The following USP44 variants were observed in gnomAD, a reference collection of about 807,000 sequenced individuals.
USP44 encodes the protein ubiquitin specific peptidase 44.
In USP44, 61 loss-of-function variants were observed where a neutral mutation model predicts 69.0. The observed-to-expected ratio is 0.88, with a 90% CI of 0.72 to 1.09. The LOEUF is 1.09. USP44 is among the 50% of genes least tolerant of loss of function. USP44 has a pLI of 0.00. For missense variants in USP44, 753 were observed against 849.9 expected, an observed-to-expected ratio of 0.89 and a Z score of 1.42; for synonymous variants, 297 against 295.4, an observed-to-expected ratio of 1.01 and a Z score of -0.06.
rs923646668 is a variant in USP44 at position 95,517,835 on chromosome 12, T to A, written c.*319A>T. On this transcript the variant is annotated 3_prime_UTR_variant, in exon 6 of 6. Coordinates refer to ENST00000258499, the MANE Select transcript of USP44 (RefSeq NM_032147.5). ...AAAATACCTGAAAAAGATACATGTA[T>A]ATAAAATGATGCCACTTGAACTTTG... is the stretch of plus-strand genomic sequence containing the variant. The A allele has an allele frequency of 1.4e-5, 3 of 211,548 alleles. No homozygotes were observed. Among genetic ancestry groups the A allele is most frequent in the African/African-American group, 2.3e-5 (1 of 43,076 alleles). The allele number at this position is 211,548 out of a possible 1,614,324, so 13.1% of individuals were successfully genotyped here.
chr12:95,542,082 T>C (rs1447486623), intron 1 of USP44, among the ~76,000 whole-genome samples: 1 of 152,074 alleles, frequency 6.6e-6, no homozygotes, highest in Non-Finnish European at 1.5e-5. Flanking sequence ...GGTTTCATCA[T>C]TTTGCCCAGG....
intron 1 of USP44, among the ~76,000 whole-genome samples, chr12:95,543,212 C>G (rs1264877403): frequency 6.6e-6 from 1 of 151,274 alleles, no homozygotes; most frequent in Non-Finnish European, 1.5e-5. Context: ...ACCAGCCTGG[C>G]CAACACGGTG....
chr12:95,523,726 A>G (rs2076741977), intron 4 of USP44, among the ~76,000 whole-genome samples: 1 of 151,936 alleles, frequency 6.6e-6, no homozygotes, highest in Admixed American at 6.6e-5. Context: ...TAAACTGATA[A>G]AGAACAATAA....
In USP44 at chr12:95,518,184, A is replaced by T. The variant is rs371683524; in HGVS notation, c.2109T>A (p.Ala703=). The change falls in exon 6 of 6, where the codon GCT becomes GCA. Residue 703 remains alanine, a synonymous_variant. Transcript: ENST00000258499. ...LLGSQHPNED[A]DTSSNEILS ...TAAGGATTTCATTAGACGAGGTATC[A>T]GCGTCTTCATTGGGATGTTGGCTCC... 1 of 1,614,222 alleles carries T rather than the reference A, an allele frequency of 6.2e-7. No homozygotes were observed. Among genetic ancestry groups the T allele is most frequent in the Non-Finnish European group, 8.5e-7 (1 of 1,180,036 alleles).
At chr12:95,532,139 G>A (rs376259650) in intron 2 of USP44, among the ~76,000 whole-genome samples, 1 of 150,450 alleles carries the variant, frequency 6.6e-6, no homozygotes, top group Admixed American at 6.7e-5. Context: ...AATTGCTCAA[G>A]TGTGCACCAT....
In USP44 at chr12:95,517,068, T is replaced by G. The variant is rs1329793918; in HGVS notation, c.*1086A>C. The G allele has an allele frequency of 3.3e-5, 5 of 151,790 alleles. No individual in the cohort carries two copies. Among genetic ancestry groups the G allele is most frequent in the East Asian group, 3.9e-4 (2 of 5,176 alleles). 9.4% of individuals were successfully genotyped at this position (151,790 alleles called of 1,614,324 possible). A position where few individuals can be genotyped will look rare whatever the true frequency, so the allele number is the denominator to read the frequency against. On this transcript the variant is annotated 3_prime_UTR_variant, in exon 6 of 6. Coordinates refer to ENST00000258499, the MANE Select transcript of USP44 (RefSeq NM_032147.5). The stretch of plus-strand genomic sequence containing the variant: ...AGAGTGACTCACACTGTATTTTTTT[T>G]TGTGCAAGTTTAGATAGATAGCTTT...
chr12:95,524,602 T>A (rs2076774115), intron 4 of USP44, 78 bp downstream of exon 4: 2 of 1,116,520 alleles, frequency 1.8e-6, no homozygotes, highest in Admixed American at 2.7e-5. Context: ...GGGGAAAAAA[T>A]TATAACATGC....
intron 3 of USP44, 75 bp downstream of exon 3, chr12:95,528,730 TTC>T: frequency 1.4e-6 from 2 of 1,430,548 alleles, no homozygotes; most frequent in African/African-American, 1.4e-5. Context: ...TGCTAAAGAT[TTC>T]TTTCAGCTTC....
intron 5 of USP44, 134 bp from the exon 6 acceptor site, chr12:95,518,487 G>C: frequency 1.1e-6 from 1 of 889,150 alleles, no homozygotes; most frequent in South Asian, 1.8e-5. Flanking sequence ...GAGAAATATA[G>C]ATTGGGCAGT....
At chr12:95,534,531 CTAA>C (rs957249555) in intron 1 of USP44, among the ~76,000 whole-genome samples, 7 of 152,184 alleles carry the variant, frequency 4.6e-5, no homozygotes, top group Non-Finnish European at 1.0e-4. Context: ...TTCACTTTCT[CTAA>C]TGAGGCGCCT....
intron 1 of USP44, chr12:95,546,835 A>C (rs2077586536): frequency 6.6e-6 from 1 of 152,186 alleles, no homozygotes; most frequent in Non-Finnish European, 1.5e-5. Context: ...GGTACTAGAG[A>C]TACACATATA....
intron 5 of USP44, 145 bp downstream of exon 5, chr12:95,520,852 T>C (rs924388328): frequency 1.3e-5 from 9 of 687,414 alleles, no homozygotes; most frequent in African/African-American, 1.1e-4. Context: ...TCTCATTTTT[T>C]AGTACCTGCA....
Position 95,532,828 on chromosome 12 carries a change from C to A in USP44, c.1428+1G>T, listed in dbSNP as rs373244929. On this transcript the variant is annotated splice_donor_variant, in intron 2 of 5. Coordinates refer to ENST00000258499, the MANE Select transcript of USP44 (RefSeq NM_032147.5). LOFTEE classifies it high-confidence loss of function. Reference sequence around the variant, plus strand: ...AAAATAAGATTCTTAAAAATCCATACCTGACTAAGAAGTTGTCCATGAAAA... The same window carrying A: ...AAAATAAGATTCTTAAAAATCCATAACTGACTAAGAAGTTGTCCATGAAAA... 2 of 1,570,908 alleles carry A rather than the reference C, an allele frequency of 1.3e-6. No homozygotes were observed. Among genetic ancestry groups the A allele is most frequent in the Non-Finnish European group, 1.7e-6 (2 of 1,162,626 alleles).
In USP44 at chr12:95,548,759, G is replaced by C. The variant is rs2077662120; in HGVS notation, c.-71+2513C>G. ...CCAATCGCCGCGGCCGCGCGCCCTC[G>C]CGCACACTCACCAGCCCGAGCCGGG... On this transcript the variant is annotated intron_variant, in intron 1 of 5. Transcript: ENST00000258499. This position sits in a 1 kb window ranked among gnomAD's most constrained non-coding sequence, Gnocchi z 4.1. 6.6e-6 allele frequency: 1 copy of C among 152,074 alleles called. No individual in the cohort carries two copies. The highest frequency in any genetic ancestry group is 1.5e-5 in the Non-Finnish European group (1 of 68,150). 9.4% of individuals were successfully genotyped at this position (152,074 alleles called of 1,614,324 possible).
At chr12:95,539,517 C>G (rs753667772) in intron 1 of USP44, among the ~76,000 whole-genome samples, 2 of 152,038 alleles carry the variant, frequency 1.3e-5, no homozygotes, top group African/African-American at 4.8e-5. Context: ...TGAGTCACCG[C>G]GCCCGGCCCA....
intron 4 of USP44, among the ~76,000 whole-genome samples, chr12:95,522,650 T>C (rs1266215385): frequency 6.6e-6 from 1 of 151,856 alleles, no homozygotes; most frequent in African/African-American, 2.4e-5. Context: ...TGATGGTGCA[T>C]ACCTGTAATA....
Position 95,524,728 on chromosome 12 carries a change from A to T in USP44, c.1685T>A (p.Met562Lys). The change falls in exon 4 of 6, where the codon ATG becomes AAG. Residue 562 changes from methionine (M) to lysine (K), a missense_variant. Coordinates refer to ENST00000258499, the MANE Select transcript of USP44 (RefSeq NM_032147.5). ...VVLTEAQKQL[M>K]ICHLPQVLRL... ...GAGAACCTGAGGTAGGTGGCATATC[A>T]TAAGTTGTTTCTGGGCTTCTGTGAG... 1.2e-6 allele frequency: 2 copies of T among 1,612,804 alleles called. No homozygotes were observed. Among genetic ancestry groups the T allele is most frequent in the South Asian group, 2.2e-5 (2 of 90,756 alleles).
chr12:95,523,689 C>CAA (rs927669685), intron 4 of USP44, among the ~76,000 whole-genome samples: 12,417 of 88,908 alleles, frequency 0.14, 1,227 homozygotes, highest in African/African-American at 0.31. Context: ...CTGTCTCTAC[C>CAA]AAAAAAAAAA....
intron 1 of USP44, among the ~76,000 whole-genome samples, chr12:95,542,340 T>C (rs2077416071): frequency 6.6e-6 from 1 of 152,242 alleles, no homozygotes; most frequent in Non-Finnish European, 1.5e-5. Flanking sequence ...CATCATCTTT[T>C]AACCTAAAAA....
Sources: gnomAD v4.1 joint callset for allele counts (sites outside exome capture counted in the v4.1 genomes callset) on GRCh38, gnomAD v4.1.1 for gene constraint, Gnocchi (gnomAD v3.1) non-coding constraint, MANE v1.5 for transcripts, NCBI Gene and HGNC (gene_info 2026-07-23, HGNC 2026-07-21) for gene names.